RNF216: variants seen among roughly 807,000 people sequenced by gnomAD.
RNF216 encodes E3 ubiquitin-protein ligase RNF216.
RNF216 carries 72 observed loss-of-function variants against 110.8 expected under a neutral mutation model. The ratio of observed to expected loss-of-function variants is 0.65; its 90% CI spans 0.54 to 0.79. The LOEUF is 0.79. Among genes scored for constraint, RNF216 ranks in the 30% least tolerant of loss-of-function variants. The pLI is 0.00. For missense variants in RNF216, 1,342 were observed against 1,141.2 expected, an observed-to-expected ratio of 1.18 and a Z score of -2.54; for synonymous variants, 495 against 407.5, an observed-to-expected ratio of 1.21 and a Z score of -2.59.
rs144699233 is a variant in RNF216, at chr7:5,697,427, G to C, written c.2061+14334C>G. Among the ~76,000 whole-genome samples the C allele has an allele frequency of 1.8e-3, 276 of 152,346 alleles. 1 individual carries two copies. Among genetic ancestry groups the C allele is most frequent in the African/African-American group, 6.2e-3 (259 of 41,570 alleles). ...AATCAGCCCACATGTCTCCATATAG[G>C]CAGATGACAGGCAGCTGGTAATGAT... On this transcript the variant is annotated intron_variant, in intron 13 of 16. Transcript: ENST00000389902.
At chr7:5,754,302 C>T (rs1184740488) in intron 2 of RNF216, among the ~76,000 whole-genome samples, 6 of 151,804 alleles carry the variant, frequency 4.0e-5, no homozygotes, top group African/African-American at 1.5e-4. Flanking sequence ...ACAACAGGTG[C>T]ACACTACTTT....
intron 7 of RNF216, among the ~76,000 whole-genome samples, chr7:5,729,170 A>G (rs2128642695): frequency 1.3e-5 from 2 of 152,336 alleles, no homozygotes; most frequent in Middle Eastern, 6.8e-3. Context: ...TGCATCTTTC[A>G]CACTCCTGCA....
intron 10 of RNF216, among the ~76,000 whole-genome samples, chr7:5,715,422 G>T (rs1384161321): frequency 1.3e-5 from 2 of 151,778 alleles, no homozygotes; most frequent in Non-Finnish European, 1.5e-5. Flanking sequence ...TTTTTTTTCT[G>T]GTATTCTTTA....
Position 5,729,419 on chromosome 7 carries a change from C to T in RNF216, c.1389+13G>A, listed in dbSNP as rs1188530384. On this transcript the variant is annotated intron_variant, in intron 7 of 16. Coordinates refer to ENST00000389902, the MANE Select transcript of RNF216 (RefSeq NM_207111.4). ...AAGAGGTGTGACCCCAACAGGAAGACCAAGTAGAGTACCTTTCGGGTGATT... is the reference window on the plus strand; with the variant it reads ...AAGAGGTGTGACCCCAACAGGAAGATCAAGTAGAGTACCTTTCGGGTGATT... The T allele has an allele frequency of 2.4e-5, 38 of 1,613,726 alleles. No homozygotes were observed. Among genetic ancestry groups the T allele is most frequent in the Non-Finnish European group, 3.1e-5 (37 of 1,179,702 alleles).
chr7:5,702,277 C>T (rs965465907), intron 13 of RNF216, among the ~76,000 whole-genome samples: 3 of 152,102 alleles, frequency 2.0e-5, no homozygotes, highest in African/African-American at 7.2e-5. Flanking sequence ...TCCTCCAAGG[C>T]GGGCCAAGGG....
intron 4 of RNF216, among the ~76,000 whole-genome samples, chr7:5,740,630 G>C (rs1360383026): frequency 6.6e-6 from 1 of 152,144 alleles, no homozygotes; most frequent in Non-Finnish European, 1.5e-5. Flanking sequence ...ATATTGGACA[G>C]CATAGGTCTA....
At chr7:5,678,975 G>A (rs1448156252) in intron 13 of RNF216, among the ~76,000 whole-genome samples, 1 of 152,222 alleles carries the variant, frequency 6.6e-6, no homozygotes, top group African/African-American at 2.4e-5. Context: ...GGCCTCAATA[G>A]AGCAAAGAGG....
intron 13 of RNF216, among the ~76,000 whole-genome samples, chr7:5,655,039 G>GA (rs2128579548): frequency 6.6e-6 from 1 of 152,316 alleles, no homozygotes; most frequent in Non-Finnish European, 1.5e-5. Context: ...GTAACAGCTT[G>GA]AAAACAATAC....
chr7:5,739,431 A>C (rs1794623797), intron 4 of RNF216, 79 bp from the exon 5 acceptor site: 1 of 1,390,748 alleles, frequency 7.2e-7, no homozygotes, highest in East Asian at 2.3e-5. Flanking sequence ...GATGGCAAAA[A>C]GTATAATAAA....
Position 5,758,904 on chromosome 7 carries a change from G to A in RNF216, c.67+2099C>T, listed in dbSNP as rs538183650. Among the ~76,000 whole-genome samples the A allele has an allele frequency of 6.2e-4, 95 of 152,282 alleles. 1 individual carries two copies. The highest frequency in any genetic ancestry group is 1.0e-3 in the Non-Finnish European group (70 of 68,036). On this transcript the variant is annotated intron_variant, in intron 2 of 16. Coordinates refer to ENST00000389902, the MANE Select transcript of RNF216 (RefSeq NM_207111.4). The stretch of plus-strand genomic sequence containing the variant: ...ATTTAGCAATGTGAGAAGGACAAGA[G>A]ACTTGGGAGGGGCTGGGGTGGAATA...
intron 1 of RNF216, among the ~76,000 whole-genome samples, chr7:5,780,932 G>T (rs1413276559): frequency 6.6e-6 from 1 of 152,162 alleles, no homozygotes; most frequent in East Asian, 1.9e-4. Flanking sequence ...CCACCTCGAC[G>T]CGGGGACAGC....
intron 13 of RNF216, among the ~76,000 whole-genome samples, chr7:5,697,502 C>T (rs1791702881): frequency 6.6e-6 from 1 of 152,224 alleles, no homozygotes; most frequent in South Asian, 2.1e-4. Flanking sequence ...GGGCCAAACC[C>T]TCATTGGCCT....
chr7:5,750,319 G>C (rs2128661979), intron 3 of RNF216, among the ~76,000 whole-genome samples: 1 of 152,328 alleles, frequency 6.6e-6, no homozygotes, highest in South Asian at 2.1e-4. Flanking sequence ...TTTCCTAGCA[G>C]AGACATTTTT....
chr7:5,654,134 C>T (rs186650349), intron 13 of RNF216, among the ~76,000 whole-genome samples: 5 of 152,056 alleles, frequency 3.3e-5, no homozygotes, highest in Non-Finnish European at 7.4e-5. Context: ...TAAAGCCACT[C>T]AGGAGAGAGG....
chr7:5,662,719 C>G (rs186211643), intron 13 of RNF216, among the ~76,000 whole-genome samples: 1 of 152,204 alleles, frequency 6.6e-6, no homozygotes, highest in East Asian at 1.9e-4. Context: ...AGTCTACTCA[C>G]AAACAGATAA....
chr7:5,734,694 C>A (rs1472055309), intron 5 of RNF216, among the ~76,000 whole-genome samples: 2 of 151,242 alleles, frequency 1.3e-5, no homozygotes, highest in East Asian at 3.8e-4. Flanking sequence ...TGAGGTAACA[C>A]ATGCCTGTAA....
At chr7:5,634,577 C>G (rs1026827592) in intron 15 of RNF216, among the ~76,000 whole-genome samples, 14 of 152,252 alleles carry the variant, frequency 9.2e-5, no homozygotes, top group African/African-American at 3.4e-4. Context: ...GGACAGTGTG[C>G]TGGGGAGGAG....
Position 5,741,209 on chromosome 7 carries a change from G to C in RNF216, c.808C>G (p.Pro270Ala). Residue 270 changes from proline to alanine, a missense_variant, in exon 4 of 17, where the codon CCA becomes GCA. Coordinates refer to ENST00000389902, the MANE Select transcript of RNF216 (RefSeq NM_207111.4). Reference sequence around the variant, plus strand: ...TCCGGCCTTGGAAAAGCGGGCCCTGGGAATTCATGCTGAAACAACAAGCGG... The same window carrying C: ...TCCGGCCTTGGAAAAGCGGGCCCTGCGAATTCATGCTGAAACAACAAGCGG... ...LGRLLFQHEF[P>A]GPAFPRPEPQ... 1 of 1,614,138 alleles carries C rather than the reference G, an allele frequency of 6.2e-7. No individual in the cohort carries two copies.
At chr7:5,757,411 T>TC (rs1323074160) in intron 2 of RNF216, among the ~76,000 whole-genome samples, 1 of 50,510 alleles carries the variant, frequency 2.0e-5, no homozygotes, top group Non-Finnish European at 7.1e-5. Flanking sequence ...ATCAGCTCTT[T>TC]TTGTGTGTGT....
Sources: allele counts gnomAD v4.1 joint callset (sites outside exome capture counted in the v4.1 genomes callset), GRCh38; gene constraint gnomAD v4.1.1; transcripts MANE v1.5; gene names NCBI Gene and HGNC (gene_info 2026-07-23, HGNC 2026-07-21).